Variants in CD109 observed in about 807,000 individuals in gnomAD.
CD109 encodes CD109 molecule.
A neutral mutation model predicts 165.8 loss-of-function variants in CD109; 149 were observed. The observed-to-expected ratio is 0.90, with a 90% confidence interval of 0.79 to 1.03. The LOEUF is 1.03. Ranked by LOEUF, CD109 falls within the 50% of genes least tolerant of loss-of-function variation. The pLI is 0.00. For missense variants in CD109, 1,712 were observed against 1,677.8 expected (o/e 1.02, Z -0.36); for synonymous variants, 585 against 592.1 (o/e 0.99, Z 0.18).
At chr6:73,750,563 G>A (rs1386647583) in intron 5 of CD109, among the ~76,000 whole-genome samples, 1 of 152,110 alleles carries the variant, frequency 6.6e-6, no homozygotes. Context: ...GCAGAATCGA[G>A]ATTTCAAGAG....
intron 19 of CD109, 88 bp from the exon 20 acceptor site, chr6:73,785,276 A>C (rs1774643524): frequency 1.4e-6 from 1 of 718,082 alleles, no homozygotes; most frequent in Non-Finnish European, 2.4e-6. Flanking sequence ...TAAAAGCTTC[A>C]CAGGTTTTAT....
chr6:73,816,581 A>T (rs2917857), intron 30 of CD109, among the ~76,000 whole-genome samples: 1 of 151,890 alleles, frequency 6.6e-6, no homozygotes, highest in South Asian at 2.1e-4. Context: ...TTTATTTATT[A>T]CCTCAGCAAG....
rs1562070954 is a variant in CD109 at position 73,791,164 on chromosome 6, T to TATACACATACAC, written c.2702-1459_2702-1458insCACATACACATA. ...ATATATATATATATATATATATATA[T>TATACACATACAC]ATATATATATATACACACACACACA... On this transcript the variant is annotated intron_variant, in intron 22 of 32. Coordinates refer to ENST00000287097, the MANE Select transcript of CD109 (RefSeq NM_133493.5). Among the ~76,000 whole-genome samples the TATACACATACAC allele has an allele frequency of 1.1e-3, 69 of 64,086 alleles. 3 individuals carry two copies. Among genetic ancestry groups the TATACACATACAC allele is most frequent in the African/African-American group, 4.3e-3 (58 of 13,618 alleles). The allele number at this position is 64,086 out of a possible 152,430, so 42.0% of individuals were successfully genotyped here.
intron 2 of CD109, among the ~76,000 whole-genome samples, chr6:73,708,880 T>A (rs1343276446): frequency 1.3e-5 from 2 of 152,164 alleles, no homozygotes; most frequent in Non-Finnish European, 2.9e-5. Context: ...GTTTGACTTC[T>A]TTGTAGATTC....
At chr6:73,694,376 G>A (rs923263954), upstream of CD109, 1 of 152,118 alleles carries the variant, frequency 6.6e-6, no homozygotes, top group Non-Finnish European at 1.5e-5. Flanking sequence ...GTGGGAAGGA[G>A]GGCATAAACA....
chr6:73,685,295 A>G, the CD109 span, among the ~76,000 whole-genome samples: 2 of 152,032 alleles, frequency 1.3e-5, no homozygotes, highest in Non-Finnish European at 2.9e-5. Context: ...CTAACTAGAT[A>G]TATGGTTTGC....
At position 73,789,451 on chromosome 6, in the gene CD109, G is replaced by C. The variant is rs143372558; in HGVS notation, c.2701+839G>C. 6.8e-3 allele frequency among the ~76,000 whole-genome samples: 963 copies of C among 141,690 alleles called. 8 individuals are homozygous for C. The highest frequency in any genetic ancestry group is 0.024 in the African/African-American group (899 of 36,960). The allele number at this position is 141,690 out of a possible 152,430, so 93.0% of individuals were successfully genotyped here. ...GTGGGAAGAACATTTGAAATTTGCTGTCTGAGCATTTTTTTTTTTTGAGGC... is the reference window on the plus strand; with the variant it reads ...GTGGGAAGAACATTTGAAATTTGCTCTCTGAGCATTTTTTTTTTTTGAGGC... On this transcript the variant is annotated intron_variant, in intron 22 of 32. Transcript: ENST00000287097.
intron 30 of CD109, among the ~76,000 whole-genome samples, chr6:73,816,618 A>G (rs557399150): frequency 6.6e-6 from 1 of 152,264 alleles, no homozygotes; most frequent in South Asian, 2.1e-4. Context: ...ACTATGTGCC[A>G]GGCATGGTGT....
At chr6:73,709,562 A>G (rs1355697353) in intron 2 of CD109, among the ~76,000 whole-genome samples, 1 of 152,174 alleles carries the variant, frequency 6.6e-6, no homozygotes, top group Non-Finnish European at 1.5e-5. Context: ...CTTGATGGGG[A>G]TGGCATTGAA....
chr6:73,733,705 G>T (rs1483130390), intron 4 of CD109, among the ~76,000 whole-genome samples: 1 of 152,176 alleles, frequency 6.6e-6, no homozygotes, highest in African/African-American at 2.4e-5. Flanking sequence ...CTGTTATTGT[G>T]CCCTGACACT....
chr6:73,806,410 T>A (rs1775565901), intron 24 of CD109, among the ~76,000 whole-genome samples: 1 of 152,036 alleles, frequency 6.6e-6, no homozygotes, highest in African/African-American at 2.4e-5. Flanking sequence ...ATACCTAATG[T>A]AAATGACGCG....
chr6:73,710,829 A>G (rs1212679316), intron 2 of CD109, among the ~76,000 whole-genome samples: 1 of 152,166 alleles, frequency 6.6e-6, no homozygotes, highest in Admixed American at 6.5e-5. Context: ...GGTTTTGCCA[A>G]CCTTCAGGTC....
intron 22 of CD109, among the ~76,000 whole-genome samples, chr6:73,790,061 T>C (rs1173583329): frequency 6.6e-6 from 1 of 150,900 alleles, no homozygotes; most frequent in African/African-American, 2.4e-5. Flanking sequence ...AAATTTACAA[T>C]ACTCTTGTTA....
Position 73,810,060 on chromosome 6 carries a change from T to G in CD109, c.3432T>G (p.Val1144=). 1 of 1,608,100 alleles carries G rather than the reference T, an allele frequency of 6.2e-7. No individual in the cohort carries two copies. Among genetic ancestry groups the G allele is most frequent in the Non-Finnish European group, 8.5e-7 (1 of 1,178,124 alleles). ...SWQPRSLDIE[V]AAYALLSHFL... Reference sequence around the variant, plus strand: ...AGCCACGCTCCCTGGATATTGAAGTTGCAGCCTATGCACTGCTCTCACACT... The same window carrying G: ...AGCCACGCTCCCTGGATATTGAAGTGGCAGCCTATGCACTGCTCTCACACT... Residue 1144 remains valine (V), a synonymous_variant, in exon 27 of 33, where the codon GTT becomes GTG. Transcript: ENST00000287097.
At chr6:73,721,524 C>G (rs547341747) in intron 2 of CD109, among the ~76,000 whole-genome samples, 2 of 151,716 alleles carry the variant, frequency 1.3e-5, no homozygotes, top group African/African-American at 4.8e-5. Flanking sequence ...GCCACCACAC[C>G]CGGCTAATTT....
intron 10 of CD109, 57 bp from the exon 11 acceptor site, chr6:73,765,873 G>GTATT: frequency 1.6e-6 from 2 of 1,228,826 alleles, no homozygotes. Context: ...GACGGAAACT[G>GTATT]TATTTAATCG....
intron 4 of CD109, among the ~76,000 whole-genome samples, chr6:73,734,701 A>G (rs1004090649): frequency 1.3e-5 from 2 of 152,148 alleles, no homozygotes; most frequent in Non-Finnish European, 2.9e-5. Context: ...AGTTCTCAGC[A>G]TTGTACTTAC....
chr6:73,764,334 A>G (rs891550003), intron 10 of CD109, among the ~76,000 whole-genome samples: 2 of 152,224 alleles, frequency 1.3e-5, no homozygotes, highest in African/African-American at 4.8e-5. Flanking sequence ...CTAGAGAGTA[A>G]ATATTTTCAG....
chr6:73,759,467 C>T (rs1160251025), intron 7 of CD109, among the ~76,000 whole-genome samples: 1 of 152,076 alleles, frequency 6.6e-6, no homozygotes, highest in East Asian at 1.9e-4. Flanking sequence ...TGTTCCACCA[C>T]TCCTGGGCTG....
Sources: gnomAD v4.1 joint callset for allele counts (sites outside exome capture counted in the v4.1 genomes callset) on GRCh38, gnomAD v4.1.1 for gene constraint, MANE v1.5 for transcripts, NCBI Gene and HGNC (gene_info 2026-07-23, HGNC 2026-07-21) for gene names.